MSRA: variants seen among roughly 807,000 people sequenced by gnomAD.
The protein encoded by MSRA is mitochondrial peptide methionine sulfoxide reductase.
In MSRA, 54 loss-of-function variants were observed where a neutral mutation model predicts 31.3. That is an observed-to-expected ratio of 1.73 (90% CI 1.39 to 2.17). MSRA has a LOEUF of 2.17. Ranked by LOEUF, MSRA falls within the 30% of genes most tolerant of loss-of-function variation. The probability of loss-of-function intolerance (pLI) is 0.00; values close to 1 mark genes in which losing one functional copy is unlikely to be tolerated. For missense variants in MSRA, 507 were observed against 300.9 expected (o/e 1.69, Z -5.07); for synonymous variants, 169 against 116.5 (o/e 1.45, Z -2.90).
intron 3 of MSRA, among the ~76,000 whole-genome samples, chr8:10,274,886 T>A (rs1408154709): frequency 6.6e-6 from 1 of 152,182 alleles, no homozygotes; most frequent in Non-Finnish European, 1.5e-5. Context: ...CAACCAACCA[T>A]CTATCCGTCC....
chr8:10,416,144 G>A (rs578097613), intron 5 of MSRA, among the ~76,000 whole-genome samples: 2 of 152,266 alleles, frequency 1.3e-5, no homozygotes, highest in South Asian at 4.1e-4. Context: ...CAGACACGTC[G>A]TGGGAATTGC....
In MSRA at chr8:10,363,455, G is replaced by A. The variant is rs114755862; in HGVS notation, c.543+43466G>A. Among the ~76,000 whole-genome samples the A allele has an allele frequency of 3.9e-3, 599 of 152,266 alleles. 8 individuals carry two copies. The highest frequency in any genetic ancestry group is 0.014 in the African/African-American group (575 of 41,552). On this transcript the variant is annotated intron_variant, in intron 5 of 5. Transcript: ENST00000317173. ...GACACAGCACCTCTTGGAGGAGCTAGGAAGTGGGAGTTCCCTTAGCACGTG... is the reference window on the plus strand; with the variant it reads ...GACACAGCACCTCTTGGAGGAGCTAAGAAGTGGGAGTTCCCTTAGCACGTG...
rs1381006887 is a variant in MSRA, at chr8:10,215,539, A to G, written c.211+7638A>G. On this transcript the variant is annotated intron_variant, in intron 2 of 5. Transcript: ENST00000317173. Reference sequence around the variant, plus strand: ...AACATCACTAGGCTCTATGGGATCCATCACCTCTCCTTCATAACACCAGAC... The same window carrying G: ...AACATCACTAGGCTCTATGGGATCCGTCACCTCTCCTTCATAACACCAGAC... 2.0e-5 allele frequency among the ~76,000 whole-genome samples: 3 copies of G among 152,276 alleles called. No individual in the cohort carries two copies. In the South Asian group the frequency reaches 6.2e-4, roughly 32 times the overall value.
intron 5 of MSRA, among the ~76,000 whole-genome samples, chr8:10,375,068 C>T (rs1372397981): frequency 6.6e-6 from 1 of 152,200 alleles, no homozygotes; most frequent in African/African-American, 2.4e-5. Context: ...GCTTGTGCAG[C>T]CTGCAGAACC....
chr8:10,407,293 C>T (rs1257336818), intron 5 of MSRA, among the ~76,000 whole-genome samples: 1 of 152,188 alleles, frequency 6.6e-6, no homozygotes, highest in Non-Finnish European at 1.5e-5. Flanking sequence ...TTCATCAGCT[C>T]CCCTGGGTCC....
intron 1 of MSRA, among the ~76,000 whole-genome samples, chr8:10,172,921 A>G (rs1418582439): frequency 1.3e-5 from 2 of 152,214 alleles, no homozygotes; most frequent in East Asian, 3.8e-4. Context: ...GACAGATGGG[A>G]CCAGTCATTC....
chr8:10,401,855 C>CA (rs989235774), intron 5 of MSRA, among the ~76,000 whole-genome samples: 1 of 152,074 alleles, frequency 6.6e-6, no homozygotes, highest in Admixed American at 6.5e-5. Context: ...CTAGAGTAGT[C>CA]AAATTCATAG....
At position 10,145,082 on chromosome 8, in the gene MSRA, C is replaced by T. The variant is rs556565719; in HGVS notation, c.143-62751C>T. Among the ~76,000 whole-genome samples, 3 of 152,112 alleles carry T rather than the reference C, an allele frequency of 2.0e-5. No homozygotes were observed. In the South Asian group the frequency reaches 6.2e-4, roughly 32 times the overall value. On this transcript the variant is annotated intron_variant, in intron 1 of 5. Transcript: ENST00000317173. ...ATGAAATTATAGGTGCACATGAGGC[C>T]TTGATTACATTGTTTTGGAGAGATT...
At chr8:10,330,993 C>A (rs1055072685) in intron 5 of MSRA, among the ~76,000 whole-genome samples, 2 of 152,140 alleles carry the variant, frequency 1.3e-5, no homozygotes, top group Non-Finnish European at 2.9e-5. Flanking sequence ...GGACTGCTGT[C>A]CTTATACGAA....
chr8:10,289,265 G>A (rs1230791643), intron 3 of MSRA, among the ~76,000 whole-genome samples: 2 of 151,910 alleles, frequency 1.3e-5, no homozygotes, highest in East Asian at 1.9e-4. Context: ...TGTCCACCTC[G>A]GTCTCCCAGA....
intron 5 of MSRA, among the ~76,000 whole-genome samples, chr8:10,413,783 C>A (rs979610378): frequency 6.6e-6 from 1 of 151,918 alleles, no homozygotes; most frequent in Non-Finnish European, 1.5e-5. Flanking sequence ...TGATATTATC[C>A]AGTCTGAGGA....
At chr8:10,118,142 G>A (rs878884348) in intron 1 of MSRA, among the ~76,000 whole-genome samples, 32 of 152,258 alleles carry the variant, frequency 2.1e-4, no homozygotes, top group African/African-American at 5.1e-4. Flanking sequence ...AGCATTCACC[G>A]TGGCTTTTCT....
chr8:10,300,703 C>G lies in MSRA; in HGVS notation c.332-831C>G, dbSNP rs1336589103. Among the ~76,000 whole-genome samples, 3 of 152,156 alleles carry G rather than the reference C, an allele frequency of 2.0e-5. No individual in the cohort carries two copies. The East Asian group carries it at 5.8e-4, about 29-fold the overall frequency. On this transcript the variant is annotated intron_variant, in intron 3 of 5. Coordinates refer to ENST00000317173, the MANE Select transcript of MSRA (RefSeq NM_012331.5). ...CCAGCTTGCCAAATTCTTTACTACA[C>G]ATAAGGTGACTGAAAACAGATAGAT...
chr8:10,166,736 A>G (rs1412552536), intron 1 of MSRA, among the ~76,000 whole-genome samples: 1 of 151,898 alleles, frequency 6.6e-6, no homozygotes, highest in Non-Finnish European at 1.5e-5. Flanking sequence ...CATTTTTACC[A>G]TCTTAGCTGG....
chr8:10,188,666 C>G (rs1471766578), intron 1 of MSRA, among the ~76,000 whole-genome samples: 1 of 152,118 alleles, frequency 6.6e-6, no homozygotes, highest in Non-Finnish European at 1.5e-5. Context: ...AAAGACTGTC[C>G]TTTCCTGATT....
At chr8:10,251,992 A>G (rs776619014) in intron 3 of MSRA, among the ~76,000 whole-genome samples, 36 of 152,178 alleles carry the variant, frequency 2.4e-4, no homozygotes, top group Non-Finnish European at 4.9e-4. Flanking sequence ...AGGGTTCTGC[A>G]GGAGCTCCAG....
intron 3 of MSRA, among the ~76,000 whole-genome samples, chr8:10,249,736 C>CTCTA (rs1221366022): frequency 1.2e-4 from 18 of 152,170 alleles, no homozygotes; most frequent in Admixed American, 1.2e-3. Flanking sequence ...TCTGATCTGT[C>CTCTA]TCTAAGAGAT....
intron 1 of MSRA, among the ~76,000 whole-genome samples, chr8:10,162,901 C>T (rs879409252): frequency 1.2e-4 from 18 of 152,102 alleles, no homozygotes; most frequent in South Asian, 2.1e-4. Context: ...GGTGGGTTCA[C>T]GGAATATCAT....
intron 3 of MSRA, among the ~76,000 whole-genome samples, chr8:10,284,203 T>C (rs1799809551): frequency 6.6e-6 from 1 of 152,158 alleles, no homozygotes; most frequent in Non-Finnish European, 1.5e-5. Flanking sequence ...TATTACTTTT[T>C]TTTGAGACAG....
Sources: allele counts gnomAD v4.1 joint callset (sites outside exome capture counted in the v4.1 genomes callset), GRCh38; gene constraint gnomAD v4.1.1; transcripts MANE v1.5; gene names NCBI Gene and HGNC (gene_info 2026-07-23, HGNC 2026-07-21).